Variants in DNAH11 observed in about 807,000 individuals in gnomAD.
DNAH11 encodes axonemal beta dynein heavy chain 11.
DNAH11 carries 442 observed loss-of-function variants against 526.0 expected under a neutral mutation model. That is an observed-to-expected ratio of 0.84 (90% CI 0.78 to 0.91). DNAH11 has a LOEUF of 0.91. Ranked by LOEUF, DNAH11 falls within the 40% of genes least tolerant of loss-of-function variation. The pLI is 0.00. For missense variants in DNAH11, 6,989 were observed against 5,448.7 expected (o/e 1.28, Z -8.90); for synonymous variants, 2,461 against 1,935.9 (o/e 1.27, Z -7.12).
intron 18 of DNAH11, among the ~76,000 whole-genome samples, chr7:21,606,206 C>G (rs940586714): frequency 1.3e-5 from 2 of 152,012 alleles, no homozygotes; most frequent in African/African-American, 2.4e-5. Context: ...GCCTGTAGTT[C>G]CAGCTACTGG....
At chr7:21,864,095 A>G (rs945508412) in intron 69 of DNAH11, among the ~76,000 whole-genome samples, 3 of 152,208 alleles carry the variant, frequency 2.0e-5, no homozygotes, top group African/African-American at 7.2e-5. Flanking sequence ...ATATTAAAAA[A>G]TCCTTCATGT....
chr7:21,868,870 G>C lies in DNAH11; in HGVS notation c.11846G>C (p.Arg3949Thr), dbSNP rs1177015859. Reference protein sequence around the residue: ...ALKDLEILGKRLGFTIDSGKF... With the variant: ...ALKDLEILGKTLGFTIDSGKF... ...GTGGTGTATTCTCCCACAGGCAAAA[G>C]ACTTGGCTTTACAATTGACTCTGGA... Residue 3949 changes from arginine to threonine, a missense_variant, in exon 73 of 82, where the codon AGA becomes ACA. Arg to Thr is a moderately conservative substitution (Grantham distance 71). Coordinates refer to ENST00000409508, the MANE Select transcript of DNAH11 (RefSeq NM_001277115.2). The C allele has an allele frequency of 6.2e-7, 1 of 1,613,956 alleles. No homozygotes were observed. Among genetic ancestry groups the C allele is most frequent in the South Asian group, 1.1e-5 (1 of 91,070 alleles).
At chr7:21,898,885 C>G (rs776847050) in intron 79 of DNAH11, among the ~76,000 whole-genome samples, 5 of 152,208 alleles carry the variant, frequency 3.3e-5, no homozygotes, top group Non-Finnish European at 7.3e-5. Flanking sequence ...TCCGCACATG[C>G]TGTTCCCTCT....
intron 64 of DNAH11, 135 bp downstream of exon 64, chr7:21,816,837 CT>C: frequency 2.8e-6 from 2 of 715,924 alleles, no homozygotes; most frequent in South Asian, 4.0e-5. Flanking sequence ...GTTTATCTGC[CT>C]GTTCATGTTT....
At chr7:21,627,615 C>G (rs572224997) in intron 25 of DNAH11, among the ~76,000 whole-genome samples, 1 of 152,184 alleles carries the variant, frequency 6.6e-6, no homozygotes, top group East Asian at 1.9e-4. Flanking sequence ...TCTTGGGTCT[C>G]TATTCTGTTC....
chr7:21,565,700 G>A (rs1343130002), intron 6 of DNAH11, among the ~76,000 whole-genome samples: 1 of 152,206 alleles, frequency 6.6e-6, no homozygotes, highest in Non-Finnish European at 1.5e-5. Flanking sequence ...ACATCTATCA[G>A]TGGGGATAAT....
rs770389913 is a variant in DNAH11, at chr7:21,842,716, A to G, written c.10864A>G (p.Ser3622Gly). ...AGCCCAGCTGCTGGCAGAGGTTGTC[A>G]GTATTGAAAGGCCAGATTTGGAGAA... Reference protein sequence around the residue: ...LEAQLLAEVVSIERPDLEKLK... With the variant: ...LEAQLLAEVVGIERPDLEKLK... Residue 3622 changes from serine (S) to glycine (G), a missense_variant, in exon 66 of 82, where the codon AGT becomes GGT. Ser to Gly is a moderately conservative substitution (Grantham distance 56, BLOSUM62 0). Transcript: ENST00000409508. 2 of 1,612,532 alleles carry G rather than the reference A, an allele frequency of 1.2e-6. No individual in the cohort carries two copies. Among genetic ancestry groups the G allele is most frequent in the South Asian group, 2.2e-5 (2 of 90,684 alleles).
chr7:21,746,024 AC>A (rs1217159166), intron 51 of DNAH11, among the ~76,000 whole-genome samples: 8 of 152,248 alleles, frequency 5.3e-5, no homozygotes, highest in Non-Finnish European at 1.0e-4. Context: ...AACTGGCCTT[AC>A]CAATACGAAG....
At chr7:21,892,721 T>C in intron 77 of DNAH11, 54 bp downstream of exon 77, 1 of 1,502,890 alleles carries the variant, frequency 6.7e-7, no homozygotes, top group Non-Finnish European at 8.9e-7. Context: ...TTACTTGTAC[T>C]GAAGTCTACT....
At chr7:21,899,216 G>C (rs1467529768) in intron 79 of DNAH11, 120 bp from the exon 80 acceptor site, 1 of 757,264 alleles carries the variant, frequency 1.3e-6, no homozygotes, top group African/African-American at 1.7e-5. Flanking sequence ...GATTTTACCA[G>C]CTAGCAGTGG....
intron 28 of DNAH11, among the ~76,000 whole-genome samples, chr7:21,647,640 C>T (rs1787422950): frequency 6.6e-6 from 1 of 151,706 alleles, no homozygotes; most frequent in Admixed American, 6.6e-5. Flanking sequence ...ACCTTGTTAG[C>T]CAGGATGGTC....
chr7:21,559,839 C>A, intron 4 of DNAH11, 47 bp downstream of exon 4: 1 of 1,469,184 alleles, frequency 6.8e-7, no homozygotes, highest in Non-Finnish European at 9.3e-7. Context: ...GCAAAGTGTC[C>A]TGAGCTGCAA....
chr7:21,635,552 C>T (rs1388638129), intron 25 of DNAH11, among the ~76,000 whole-genome samples: 2 of 152,136 alleles, frequency 1.3e-5, no homozygotes, highest in East Asian at 1.9e-4. Flanking sequence ...CAGTTTAATT[C>T]CCAGTGCTGA....
rs1056235959 is a variant in DNAH11, at chr7:21,854,466, A to G, written c.11202+11A>G. ...CAATTCTCTTTGAAGGTAATGCTGA[A>G]TGAGCTAAGAAATATGGGAAACTTT... On this transcript the variant is annotated intron_variant, in intron 68 of 81. Transcript: ENST00000409508. 1.9e-6 allele frequency: 3 copies of G among 1,610,992 alleles called. No individual in the cohort carries two copies. Among genetic ancestry groups the G allele is most frequent in the East Asian group, 2.2e-5 (1 of 44,730 alleles).
chr7:21,774,265 G>T lies in DNAH11; in HGVS notation c.9336+266G>T, dbSNP rs76967247. 2.4e-3 allele frequency among the ~76,000 whole-genome samples: 360 copies of T among 152,194 alleles called. 6 individuals carry two copies. The highest frequency in any genetic ancestry group is 5.9e-3 in the East Asian group (30 of 5,116). On this transcript the variant is annotated intron_variant, in intron 56 of 81. Transcript: ENST00000409508. ...GATATTGAAGGGAGCAGACACAGCG[G>T]ATTGCCTCTCTTGTCTCTGACTTCT...
rs773626660 is a variant in DNAH11, at chr7:21,559,012, C to G, written c.692+14C>G. The G allele has an allele frequency of 3.2e-6, 5 of 1,555,722 alleles. No individual in the cohort carries two copies. In the South Asian group the frequency reaches 4.7e-5, roughly 15 times the overall value. On this transcript the variant is annotated intron_variant, in intron 3 of 81. Transcript: ENST00000409508. ...TTCAGAGAACAAGTACGTAACAGTA[C>G]AATATATACAGGATATTAAAGTAGA...
At chr7:21,768,471 G>A (rs1787280637) in intron 55 of DNAH11, among the ~76,000 whole-genome samples, 1 of 152,224 alleles carries the variant, frequency 6.6e-6, no homozygotes, top group African/African-American at 2.4e-5. Flanking sequence ...GCTGTCTGGT[G>A]AAGGAGTGAG....
intron 14 of DNAH11, among the ~76,000 whole-genome samples, chr7:21,598,586 A>AAAATAAAT (rs57037889): frequency 0.047 from 7,028 of 148,760 alleles, 316 homozygotes; most frequent in African/African-American, 0.11. Context: ...ATGGTATGCA[A>AAAATAAAT]AAATAAATAA....
Position 21,698,136 on chromosome 7 carries a change from G to A in DNAH11, c.6103G>A (p.Gly2035Ser). 1.2e-6 allele frequency: 2 copies of A among 1,613,590 alleles called. No individual in the cohort carries two copies. The highest frequency in any genetic ancestry group is 1.7e-6 in the Non-Finnish European group (2 of 1,179,708). ...LICEILLVAE[G>S]FVDARALARK... Reference sequence around the variant, plus strand: ...CTGTGAAATCTTGTTAGTTGCTGAAGGTTTTGTGGATGCGCGTGCATTAGC... The same window carrying A: ...CTGTGAAATCTTGTTAGTTGCTGAAAGTTTTGTGGATGCGCGTGCATTAGC... Residue 2035 changes from glycine to serine, a missense_variant, in exon 36 of 82, where the codon GGT (glycine) becomes AGT (serine). Gly to Ser is a moderately conservative substitution (Grantham distance 56). Transcript: ENST00000409508.
Sources: gnomAD v4.1 joint callset for allele counts (sites outside exome capture counted in the v4.1 genomes callset) on GRCh38, gnomAD v4.1.1 for gene constraint, MANE v1.5 for transcripts, NCBI Gene and HGNC (gene_info 2026-07-23, HGNC 2026-07-21) for gene names.